ZNF407: variants seen among roughly 807,000 people sequenced by gnomAD.
The protein encoded by ZNF407 is zinc finger protein 407.
A neutral mutation model predicts 131.2 loss-of-function variants in ZNF407; 17 were observed. The observed-to-expected ratio is 0.13, with a 90% confidence interval of 0.09 to 0.19. The LOEUF (loss-of-function observed/expected upper bound fraction) is 0.19, where lower values mean the gene tolerates loss of function less well. Among genes scored for constraint, ZNF407 ranks in the 10% least tolerant of loss-of-function variants. The pLI is 1.00. For synonymous variants in ZNF407, 1,156 were observed against 1,062.0 expected (o/e 1.09, Z -1.72); for missense variants, 2,681 against 2,830.6 (o/e 0.95, Z 1.20).
At chr18:74,722,718 A>G (rs918158424) in intron 3 of ZNF407, among the ~76,000 whole-genome samples, 3 of 152,200 alleles carry the variant, frequency 2.0e-5, no homozygotes, top group Non-Finnish European at 2.9e-5. Context: ...TAGTTTTTCA[A>G]GATAAAGTGC....
chr18:74,932,694 A>C (rs187159675), intron 8 of ZNF407, among the ~76,000 whole-genome samples: 10 of 152,358 alleles, frequency 6.6e-5, no homozygotes, highest in African/African-American at 9.6e-5. Context: ...TAAGTTATCA[A>C]ATAAGAAAAT....
intron 8 of ZNF407, among the ~76,000 whole-genome samples, chr18:74,971,903 C>A (rs557392113): frequency 1.3e-5 from 2 of 152,158 alleles, no homozygotes; most frequent in Admixed American, 6.5e-5. Flanking sequence ...ACTTGCAGTT[C>A]CACATGGCTG....
At chr18:74,917,075 GT>G (rs1446358198) in intron 7 of ZNF407, among the ~76,000 whole-genome samples, 5 of 152,024 alleles carry the variant, frequency 3.3e-5, no homozygotes, top group African/African-American at 1.2e-4. Context: ...GTTTGTTTTT[GT>G]TTTAGTGGAG....
chr18:74,805,894 T>C (rs1970101798), intron 4 of ZNF407, among the ~76,000 whole-genome samples: 1 of 152,244 alleles, frequency 6.6e-6, no homozygotes, highest in South Asian at 2.1e-4. Context: ...ATACTCCTAC[T>C]TGACTTCTCG....
chr18:74,630,390 C>T (rs1198356036), intron 1 of ZNF407, among the ~76,000 whole-genome samples: 1 of 152,094 alleles, frequency 6.6e-6, no homozygotes, highest in East Asian at 1.9e-4. Context: ...CCAGGATGGT[C>T]TCGATCTCCT....
Position 74,680,373 on chromosome 18 carries a change from C to T in ZNF407, c.4802+39251C>T, listed in dbSNP as rs531755. On this transcript the variant is annotated intron_variant, in intron 3 of 8. Coordinates refer to ENST00000299687, the MANE Select transcript of ZNF407 (RefSeq NM_017757.3). ...GCAGTGAGCCATGATTGCGCCACTG[C>T]ACTCCAGCCTGGGTGAGACCTTGCC... Among the ~76,000 whole-genome samples the T allele has an allele frequency of 4.3e-3, 643 of 148,902 alleles. 5 individuals are homozygous for T. The highest frequency in any genetic ancestry group is 0.015 in the African/African-American group (612 of 40,260).
chr18:75,026,970 C>T (rs1160770681), intron 8 of ZNF407, among the ~76,000 whole-genome samples: 8 of 152,190 alleles, frequency 5.3e-5, no homozygotes, highest in Non-Finnish European at 1.2e-4. Context: ...ACAGAGCTTG[C>T]ATTCTACATA....
At chr18:74,861,383 T>G (rs780126159) in intron 4 of ZNF407, among the ~76,000 whole-genome samples, 12 of 152,220 alleles carry the variant, frequency 7.9e-5, no homozygotes, top group African/African-American at 1.4e-4. Flanking sequence ...AATAATCTGC[T>G]TATTTTCGTC....
At chr18:74,856,340 C>G (rs902383622) in intron 4 of ZNF407, among the ~76,000 whole-genome samples, 1 of 152,204 alleles carries the variant, frequency 6.6e-6, no homozygotes, top group Non-Finnish European at 1.5e-5. Context: ...AATTAAACTT[C>G]ATGGGTTTGC....
At chr18:74,826,856 CAA>C (rs1463049270) in intron 4 of ZNF407, among the ~76,000 whole-genome samples, 1 of 152,190 alleles carries the variant, frequency 6.6e-6, no homozygotes, top group African/African-American at 2.4e-5. Flanking sequence ...ACAGGGCAGA[CAA>C]GATCATTTTC....
chr18:74,724,450 C>T (rs1968110133), intron 3 of ZNF407, among the ~76,000 whole-genome samples: 1 of 152,146 alleles, frequency 6.6e-6, no homozygotes, highest in African/African-American at 2.4e-5. Flanking sequence ...GCTTTGTACC[C>T]ATTGGCCAGT....
intron 4 of ZNF407, chr18:74,804,170 T>C: frequency 7.1e-7 from 1 of 1,413,864 alleles, no homozygotes; most frequent in Non-Finnish European, 9.3e-7. Flanking sequence ...TGTGTACTTC[T>C]TTGCATACTT....
chr18:74,816,815 C>G (rs980662271), intron 4 of ZNF407, among the ~76,000 whole-genome samples: 4 of 152,004 alleles, frequency 2.6e-5, no homozygotes, highest in Admixed American at 1.3e-4. Flanking sequence ...AAGACATGAA[C>G]TTATTAAATT....
intron 6 of ZNF407, among the ~76,000 whole-genome samples, chr18:74,883,200 T>C (rs888504118): frequency 6.6e-5 from 10 of 152,362 alleles, no homozygotes; most frequent in Middle Eastern, 3.4e-3. Context: ...TATCTGCCTC[T>C]GTAGCACAAA....
At position 74,703,735 on chromosome 18, in the gene ZNF407, A is replaced by G. The variant is rs1416287423; in HGVS notation, c.4802+62613A>G. ...AATATGGTAATGTTTTTAATACATC[A>G]TCAACAAGTTCTATTAGTGTGTTCT... On this transcript the variant is annotated intron_variant, in intron 3 of 8. Coordinates refer to ENST00000299687, the MANE Select transcript of ZNF407 (RefSeq NM_017757.3). This position sits in a 1 kb window ranked among gnomAD's most constrained non-coding sequence, Gnocchi z 4.1. Among the ~76,000 whole-genome samples the G allele has an allele frequency of 6.6e-6, 1 of 152,076 alleles. No individual in the cohort carries two copies. The highest frequency in any genetic ancestry group is 1.5e-5 in the Non-Finnish European group (1 of 68,004).
At chr18:74,864,981 ATATC>A (rs1347106109) in intron 4 of ZNF407, among the ~76,000 whole-genome samples, 2 of 152,320 alleles carry the variant, frequency 1.3e-5, no homozygotes, top group East Asian at 3.9e-4. Flanking sequence ...GTAATGAACA[ATATC>A]TATAATTAGC....
intron 3 of ZNF407, among the ~76,000 whole-genome samples, chr18:74,675,863 C>T (rs1180498243): frequency 2.0e-5 from 3 of 152,180 alleles, no homozygotes; most frequent in African/African-American, 7.2e-5. Context: ...GCATTTAACT[C>T]TGTAGACCTT....
At chr18:74,923,069 GA>G (rs1243697270) in intron 8 of ZNF407, among the ~76,000 whole-genome samples, 1 of 152,150 alleles carries the variant, frequency 6.6e-6, no homozygotes, top group Non-Finnish European at 1.5e-5. Flanking sequence ...CTCTCTAGCA[GA>G]AGTTGATGAT....
chr18:74,751,466 G>A (rs1207014129), intron 3 of ZNF407, among the ~76,000 whole-genome samples: 1 of 152,034 alleles, frequency 6.6e-6, no homozygotes, highest in Non-Finnish European at 1.5e-5. Context: ...TTGGTGTGCT[G>A]CACCCATTAA....
Sources: gnomAD v4.1 joint callset for allele counts (sites outside exome capture counted in the v4.1 genomes callset) on GRCh38, gnomAD v4.1.1 for gene constraint, Gnocchi (gnomAD v3.1) non-coding constraint, MANE v1.5 for transcripts, NCBI Gene and HGNC (gene_info 2026-07-23, HGNC 2026-07-21) for gene names.